Variants in COL19A1 observed in about 807,000 individuals in gnomAD.
The protein encoded by COL19A1 is collagen alpha-1(XIX) chain.
In COL19A1, 159 loss-of-function variants were observed where a neutral mutation model predicts 190.2. The observed-to-expected ratio is 0.84, with a 90% CI of 0.73 to 0.95. COL19A1 has a LOEUF of 0.95. COL19A1 is among the 40% of genes least tolerant of loss of function. The pLI, the probability that COL19A1 is intolerant of heterozygous loss-of-function variation, is 0.00. For missense variants in COL19A1, 1,418 were observed against 1,431.9 expected, an observed-to-expected ratio of 0.99 and a Z score of 0.16; for synonymous variants, 509 against 458.9, an observed-to-expected ratio of 1.11 and a Z score of -1.39.
At chr6:69,867,348 C>A (rs1767525389) in intron 1 of COL19A1, 3 of 153,750 alleles carry the variant, frequency 2.0e-5, no homozygotes, top group South Asian at 1.8e-4. Flanking sequence ...GCAGCGCGGT[C>A]GGCCACAGCG....
intron 4 of COL19A1, among the ~76,000 whole-genome samples, chr6:69,927,050 A>G (rs554070758): frequency 6.6e-6 from 1 of 152,252 alleles, no homozygotes; most frequent in African/African-American, 2.4e-5. Flanking sequence ...AGGTGAAATT[A>G]AGGATTAAAA....
intron 2 of COL19A1, among the ~76,000 whole-genome samples, chr6:69,898,176 A>G (rs182691192): frequency 6.6e-6 from 1 of 152,324 alleles, no homozygotes; most frequent in Non-Finnish European, 1.5e-5. Flanking sequence ...TAAAATGTTA[A>G]ACTAATGGTC....
At chr6:70,127,255 G>T (rs188095006) in intron 17 of COL19A1, among the ~76,000 whole-genome samples, 4 of 152,334 alleles carry the variant, frequency 2.6e-5, no homozygotes, top group Non-Finnish European at 5.9e-5. Flanking sequence ...ATGAGTTCAG[G>T]TCATGCAGAG....
chr6:69,879,693 G>C (rs1165500539), intron 2 of COL19A1, 35 bp downstream of exon 2: 2 of 1,575,136 alleles, frequency 1.3e-6, no homozygotes, highest in Non-Finnish European at 1.7e-6. Flanking sequence ...ATCACCAAAT[G>C]TTATTTATAG....
In COL19A1 at chr6:70,168,030, T is replaced by C. The variant is rs1309789685; in HGVS notation, c.2451T>C (p.Ile817=). The part of the protein sequence containing the change: ...GKPGPPGPPG[I]PFNERNGMSS... ...TATCTCACCTCTTTCCTAAGGGTAT[T>C]CCATTTAATGAACGAAACGGCATGA... The change falls in exon 38 of 51, where the codon ATT becomes ATC. Residue 817 remains isoleucine, a synonymous_variant. Transcript: ENST00000620364. 16 of 1,591,990 alleles carry C rather than the reference T, an allele frequency of 1.0e-5. No individual in the cohort carries two copies. The South Asian group carries it at 1.2e-4, about 12-fold the overall frequency.
At chr6:69,990,305 T>C (rs1776547985) in intron 11 of COL19A1, among the ~76,000 whole-genome samples, 1 of 152,144 alleles carries the variant, frequency 6.6e-6, no homozygotes, top group African/African-American at 2.4e-5. Context: ...CTGTAAATGA[T>C]AAGGCTTTTG....
At chr6:70,175,989 G>T (rs1765778597) in intron 41 of COL19A1, among the ~76,000 whole-genome samples, 1 of 151,658 alleles carries the variant, frequency 6.6e-6, no homozygotes, top group South Asian at 2.1e-4. Flanking sequence ...ATATCACATT[G>T]GCTCTTAAAA....
chr6:70,146,816 A>G lies in COL19A1; in HGVS notation c.1820A>G (p.Glu607Gly), dbSNP rs1786682860. The change falls in exon 27 of 51, where the codon GAA (glutamate) becomes GGA (glycine). Residue 607 changes from glutamate to glycine, a missense_variant. By Grantham distance (98) the Glu-to-Gly change is moderately conservative. Transcript: ENST00000620364. The stretch of plus-strand genomic sequence containing the variant: ...CAGAAGCCTTTCATTTCACAGGGTG[A>G]AAGAGGACTTCCAGGTGTTCACGGT... ...GAPGPRGPKGERGLPGVHGSP... is the reference protein window; with the variant it reads ...GAPGPRGPKGGRGLPGVHGSP... The G allele has an allele frequency of 6.3e-7, 1 of 1,597,452 alleles. No homozygotes were observed. The highest frequency in any genetic ancestry group is 2.3e-5 in the East Asian group (1 of 44,290).
chr6:69,907,734 T>C (rs896762775), intron 4 of COL19A1, among the ~76,000 whole-genome samples: 1 of 152,194 alleles, frequency 6.6e-6, no homozygotes, highest in Non-Finnish European at 1.5e-5. Flanking sequence ...TCCTAAAATG[T>C]TTCTGTTTTG....
intron 12 of COL19A1, among the ~76,000 whole-genome samples, chr6:70,025,570 TG>T (rs1778688841): frequency 6.6e-6 from 1 of 152,218 alleles, no homozygotes; most frequent in Non-Finnish European, 1.5e-5. Context: ...AGGGGAGATG[TG>T]GCCCACACTT....
At chr6:69,977,361 A>T (rs1775772581) in intron 11 of COL19A1, among the ~76,000 whole-genome samples, 2 of 143,354 alleles carry the variant, frequency 1.4e-5, no homozygotes, top group Admixed American at 1.4e-4. Context: ...GGAGTTGAAC[A>T]ATGAGAACAC....
chr6:70,089,687 A>T (rs915453157), intron 15 of COL19A1, among the ~76,000 whole-genome samples: 2 of 152,178 alleles, frequency 1.3e-5, no homozygotes, highest in Non-Finnish European at 2.9e-5. Context: ...GACACTGCTA[A>T]TTAGGCCTTT....
At chr6:69,913,291 A>G (rs1225165712) in intron 4 of COL19A1, among the ~76,000 whole-genome samples, 1 of 152,182 alleles carries the variant, frequency 6.6e-6, no homozygotes, top group Non-Finnish European at 1.5e-5. Context: ...ATAAATACTA[A>G]CAAAGTATTT....
intron 9 of COL19A1, among the ~76,000 whole-genome samples, chr6:69,955,522 AGTGTGTGTGTGTGTGTGTGTGT>A (rs60501043): frequency 2.2e-5 from 3 of 138,874 alleles, no homozygotes; most frequent in South Asian, 4.9e-4. Flanking sequence ...GCCACAGCAA[AGTGTGTGTGTGTGTGTGTGTGT>A]GTGTGTGTGT....
intron 4 of COL19A1, among the ~76,000 whole-genome samples, chr6:69,922,476 G>C (rs191022792): frequency 8.5e-6 from 1 of 118,028 alleles, no homozygotes; most frequent in Non-Finnish European, 1.7e-5. Context: ...ATTCTATTTA[G>C]GTTTTTTTTT....
In COL19A1 at chr6:70,082,624, C is replaced by T. The variant is rs189409342; in HGVS notation, c.1224+14148C>T. ...ACGGGTTTCACCATGTTGGCCTGGC[C>T]GGTCTCGAACTCCTGACCTCAGGTG... On this transcript the variant is annotated intron_variant, in intron 15 of 50. Coordinates refer to ENST00000620364, the MANE Select transcript of COL19A1 (RefSeq NM_001858.6). Among the ~76,000 whole-genome samples the T allele has an allele frequency of 6.0e-3, 907 of 152,144 alleles. 7 individuals carry two copies. Among genetic ancestry groups the T allele is most frequent in the Middle Eastern group, 0.01 (3 of 294 alleles).
chr6:70,107,988 CTTATG>C lies in COL19A1; in HGVS notation c.1278+5772_1278+5776del, dbSNP rs1229994228. Among the ~76,000 whole-genome samples the C allele has an allele frequency of 2.6e-5, 4 of 152,216 alleles. No individual in the cohort carries two copies. In the East Asian group the frequency reaches 5.8e-4, roughly 22 times the overall value. ...AGCATAAGCAGTGGAAAGTAATAGA[CTTATG>C]TTATGATAATGAGACTTGGAAAGTC... On this transcript the variant is annotated intron_variant, in intron 16 of 50. Coordinates refer to ENST00000620364, the MANE Select transcript of COL19A1 (RefSeq NM_001858.6).
chr6:70,165,060 G>T (rs1482142902), intron 36 of COL19A1, among the ~76,000 whole-genome samples: 4 of 152,090 alleles, frequency 2.6e-5, no homozygotes, highest in Non-Finnish European at 5.9e-5. Context: ...TACTCTATCT[G>T]AATTCTTTTT....
At position 70,211,725 on chromosome 6, in the gene COL19A1, C is replaced by T. The variant is rs1768217983; in HGVS notation, c.*4451C>T. 6.6e-6 allele frequency among the ~76,000 whole-genome samples: 1 copy of T among 151,500 alleles called. No homozygotes were observed. The highest frequency in any genetic ancestry group is 1.5e-5 in the Non-Finnish European group (1 of 67,926). On this transcript the variant is annotated 3_prime_UTR_variant, in exon 51 of 51. Transcript: ENST00000620364. ...TTTTTATTGTGTGGCATACTTGGAG[C>T]TATAATCCAAACGTTTTACTCAACA...
Sources: allele counts gnomAD v4.1 joint callset (sites outside exome capture counted in the v4.1 genomes callset), GRCh38; gene constraint gnomAD v4.1.1; transcripts MANE v1.5; gene names NCBI Gene and HGNC (gene_info 2026-07-23, HGNC 2026-07-21).